TBC1D1: variants seen among roughly 807,000 people sequenced by gnomAD.
TBC1D1 encodes TBC1 (tre-2/USP6, BUB2, cdc16) domain family, member 1.
TBC1D1 carries 89 observed loss-of-function variants against 125.6 expected under a neutral mutation model. The observed-to-expected ratio is 0.71, with a 90% CI of 0.60 to 0.85. TBC1D1 has a LOEUF of 0.85. Ranked by LOEUF, TBC1D1 falls within the 40% of genes least tolerant of loss-of-function variation. TBC1D1 has a pLI of 0.00. For missense variants in TBC1D1, 1,377 were observed against 1,469.2 expected, an observed-to-expected ratio of 0.94 and a Z score of 1.03; for synonymous variants, 565 against 564.1, an observed-to-expected ratio of 1.00 and a Z score of -0.02.
chr4:37,996,102 G>T, intron 2 of TBC1D1: 2 of 505,288 alleles, frequency 4.0e-6, no homozygotes, highest in Non-Finnish European at 7.9e-6. Context: ...TCTGTGGCAA[G>T]AATCTGTAGA....
rs370779338 is a variant in TBC1D1, at chr4:38,082,685, C to T, written c.2051-7247C>T. ...AGACCTCCCATTTAGAGCCACCAGC[C>T]GCCCATCACTGGGGCTGCGCAGAGC... On this transcript the variant is annotated intron_variant, in intron 12 of 19. Transcript: ENST00000261439. Among the ~76,000 whole-genome samples, 23 of 152,334 alleles carry T rather than the reference C, an allele frequency of 1.5e-4. No individual in the cohort carries two copies. In the South Asian group the frequency reaches 4.4e-3, roughly 29 times the overall value.
chr4:38,045,806 T>C lies in TBC1D1; in HGVS notation c.1543-11T>C. The C allele has an allele frequency of 6.2e-7, 1 of 1,612,994 alleles. No individual in the cohort carries two copies. The highest frequency in any genetic ancestry group is 8.5e-7 in the Non-Finnish European group (1 of 1,178,972). On this transcript the variant is annotated splice_polypyrimidine_tract_variant and intron_variant, in intron 9 of 19. Transcript: ENST00000261439. ...CCAGAGTCATAACTCGACTGCCTTTTCTTTATGTAGGGTAATAAAGCCAGA... is the reference window on the plus strand; with the variant it reads ...CCAGAGTCATAACTCGACTGCCTTTCCTTTATGTAGGGTAATAAAGCCAGA...
chr4:37,893,778 A>G (rs1713904684), intron 1 of TBC1D1, among the ~76,000 whole-genome samples: 1 of 152,162 alleles, frequency 6.6e-6, no homozygotes, highest in Non-Finnish European at 1.5e-5. Flanking sequence ...GTGAAACATG[A>G]TCGTGCCACT....
chr4:38,034,821 T>G (rs1026403756), intron 7 of TBC1D1, among the ~76,000 whole-genome samples: 2 of 152,232 alleles, frequency 1.3e-5, no homozygotes, highest in East Asian at 3.8e-4. Context: ...TATGATAAAA[T>G]CATACATTAA....
At chr4:38,026,270 T>C (rs1259180630) in intron 6 of TBC1D1, among the ~76,000 whole-genome samples, 1 of 152,176 alleles carries the variant, frequency 6.6e-6, no homozygotes, top group Non-Finnish European at 1.5e-5. Flanking sequence ...AACAGTGTGA[T>C]AGGAGCAGCC....
At chr4:37,940,810 A>G (rs1003180623) in intron 2 of TBC1D1, among the ~76,000 whole-genome samples, 1 of 152,254 alleles carries the variant, frequency 6.6e-6, no homozygotes, top group Non-Finnish European at 1.5e-5. Context: ...GGTTCTGTTT[A>G]TATGCTGGAT....
At chr4:38,025,148 A>G (rs1744818818) in intron 6 of TBC1D1, among the ~76,000 whole-genome samples, 1 of 152,204 alleles carries the variant, frequency 6.6e-6, no homozygotes, top group Non-Finnish European at 1.5e-5. Flanking sequence ...AAACACAGTC[A>G]TTCATCACCG....
In TBC1D1 at chr4:37,902,211, T is replaced by C; in HGVS notation, c.116T>C (p.Met39Thr). ...GTGCATTCCCTGACCACCATGCCCA[T>C]GCTGCCCTGGGTTGTGGCTGAGGTG... Residue 39 changes from methionine to threonine, a missense_variant, in exon 2 of 20, where the codon ATG (methionine) becomes ACG (threonine). By Grantham distance (81) the Met-to-Thr change is moderately conservative. Coordinates refer to ENST00000261439, the MANE Select transcript of TBC1D1 (RefSeq NM_015173.4). The C allele has an allele frequency of 6.2e-7, 1 of 1,614,100 alleles. No individual in the cohort carries two copies. The highest frequency in any genetic ancestry group is 8.5e-7 in the Non-Finnish European group (1 of 1,180,024).
chr4:38,047,704 T>C (rs1484343193), intron 10 of TBC1D1, among the ~76,000 whole-genome samples: 1 of 152,058 alleles, frequency 6.6e-6, no homozygotes, highest in Non-Finnish European at 1.5e-5. Flanking sequence ...CATTGGTAAC[T>C]TCAGTGTCAG....
chr4:37,909,857 T>A (rs922267569), intron 2 of TBC1D1, among the ~76,000 whole-genome samples: 6 of 152,158 alleles, frequency 3.9e-5, no homozygotes, highest in Non-Finnish European at 2.9e-5. Context: ...CTCAGTGCAG[T>A]GTATCCATGT....
intron 2 of TBC1D1, among the ~76,000 whole-genome samples, chr4:37,903,304 C>T (rs1274100209): frequency 6.6e-6 from 1 of 152,212 alleles, no homozygotes; most frequent in African/African-American, 2.4e-5. Context: ...GGGCAGGACT[C>T]ATTTGAAGAT....
At chr4:38,127,059 A>C (rs899038701) in intron 18 of TBC1D1, among the ~76,000 whole-genome samples, 1 of 151,362 alleles carries the variant, frequency 6.6e-6, no homozygotes, top group Non-Finnish European at 1.5e-5. Context: ...TCTAGGGCAG[A>C]CCCCCGAGAG....
chr4:38,064,075 T>C (rs1436233558), intron 12 of TBC1D1, among the ~76,000 whole-genome samples: 1 of 152,246 alleles, frequency 6.6e-6, no homozygotes, highest in Non-Finnish European at 1.5e-5. Context: ...TTCATCTAAG[T>C]GCAATCATAT....
chr4:38,025,600 C>T (rs1744916938), intron 6 of TBC1D1, among the ~76,000 whole-genome samples: 1 of 152,206 alleles, frequency 6.6e-6, no homozygotes, highest in African/African-American at 2.4e-5. Context: ...GTTAGTCTAA[C>T]TCTTCTTAAG....
chr4:37,959,858 G>C lies in TBC1D1; in HGVS notation c.418-54651G>C, dbSNP rs9968494. ...TCACGTTGCTCAGAGAGGGCCTCTCGGCTCTCCCCACCACTGCATGCTGGA... is the reference window on the plus strand; with the variant it reads ...TCACGTTGCTCAGAGAGGGCCTCTCCGCTCTCCCCACCACTGCATGCTGGA... On this transcript the variant is annotated intron_variant, in intron 2 of 19. Coordinates refer to ENST00000261439, the MANE Select transcript of TBC1D1 (RefSeq NM_015173.4). Among the ~76,000 whole-genome samples the C allele has an allele frequency of 8.4e-3, 1,277 of 152,210 alleles. 14 individuals carry two copies. Among genetic ancestry groups the C allele is most frequent in the African/African-American group, 0.029 (1,207 of 41,528 alleles).
At chr4:38,079,505 C>T (rs527470258) in intron 12 of TBC1D1, among the ~76,000 whole-genome samples, 1 of 152,122 alleles carries the variant, frequency 6.6e-6, no homozygotes, top group Admixed American at 6.5e-5. Flanking sequence ...GGGCAGATCA[C>T]CTGAGATCAG....
In TBC1D1 at chr4:37,895,157, T is replaced by C. The variant is rs558183070; in HGVS notation, c.-94+3809T>C. Among the ~76,000 whole-genome samples the C allele has an allele frequency of 2.0e-5, 3 of 152,342 alleles. No homozygotes were observed. In the East Asian group the frequency reaches 5.8e-4, roughly 29 times the overall value. On this transcript the variant is annotated intron_variant, in intron 1 of 19. Coordinates refer to ENST00000261439, the MANE Select transcript of TBC1D1 (RefSeq NM_015173.4). ...ATGGCCTTGGGCAGGTGACCTCACT[T>C]TTCTGTGCCACTATTCAATGATAAT...
intron 2 of TBC1D1, among the ~76,000 whole-genome samples, chr4:37,920,401 C>T (rs1012667477): frequency 1.1e-4 from 16 of 152,026 alleles, no homozygotes; most frequent in Admixed American, 7.2e-4. Context: ...GAATAAGAAC[C>T]GGGTAAAGAG....
At chr4:37,959,782 A>G (rs1376625669) in intron 2 of TBC1D1, among the ~76,000 whole-genome samples, 1 of 152,202 alleles carries the variant, frequency 6.6e-6, no homozygotes, top group Non-Finnish European at 1.5e-5. Flanking sequence ...GCAAAGGTAT[A>G]TAGTCATTGC....
Sources: allele counts gnomAD v4.1 joint callset (sites outside exome capture counted in the v4.1 genomes callset), GRCh38; gene constraint gnomAD v4.1.1; transcripts MANE v1.5; gene names NCBI Gene and HGNC (gene_info 2026-07-23, HGNC 2026-07-21).